Variants in TDRD12 observed in about 807,000 individuals in gnomAD.
The protein encoded by TDRD12 is putative ATP-dependent RNA helicase TDRD12.
Under a neutral mutation model 133.5 loss-of-function variants are expected in TDRD12, and 158 were observed. The ratio of observed to expected loss-of-function variants is 1.18; its 90% confidence interval spans 1.04 to 1.35. The LOEUF is 1.35. TDRD12 is among the 40% of genes most tolerant of loss of function. TDRD12 has a pLI of 0.00. For missense variants in TDRD12, 1,443 were observed against 1,321.3 expected (o/e 1.09, Z -1.43); for synonymous variants, 460 against 477.9 (o/e 0.96, Z 0.49).
exon 2 of TDRD12, chr19:32,731,792 A>T: frequency 4.5e-6 from 7 of 1,551,422 alleles, no homozygotes; most frequent in Non-Finnish European, 5.2e-6. Context: ...CATGATGTCG[A>T]TTATCAAAAA....
chr19:32,799,726 G>A (rs1971329932), intron 16 of TDRD12, among the ~76,000 whole-genome samples: 1 of 115,884 alleles, frequency 8.6e-6, no homozygotes, highest in South Asian at 2.7e-4. Flanking sequence ...TTTAGTTTTT[G>A]CCTTTTTTTT....
chr19:32,753,671 T>A (rs977903942), intron 6 of TDRD12, among the ~76,000 whole-genome samples: 7 of 45,394 alleles, frequency 1.5e-4, no homozygotes, highest in African/African-American at 6.9e-4. Flanking sequence ...ACCTGGCTAA[T>A]TTTTTTTTTT....
chr19:32,772,418 G>A (rs1461130684), intron 8 of TDRD12, among the ~76,000 whole-genome samples: 3 of 152,220 alleles, frequency 2.0e-5, no homozygotes, highest in Non-Finnish European at 4.4e-5. Flanking sequence ...GCAGGAGGCA[G>A]AGTCGCATTG....
chr19:32,755,951 A>C, intron 6 of TDRD12, 41 bp from the exon 7 acceptor site: 3 of 1,351,410 alleles, frequency 2.2e-6, no homozygotes, highest in Non-Finnish European at 2.9e-6. Context: ...TCGCTTGACT[A>C]TATTTGTCTT....
At chr19:32,728,879 C>T (rs1314506770) in intron 1 of TDRD12, among the ~76,000 whole-genome samples, 1 of 149,646 alleles carries the variant, frequency 6.7e-6, no homozygotes, top group Non-Finnish European at 1.5e-5. Context: ...GATCTCCTAA[C>T]CTTGTGATCC....
At chr19:32,805,478 C>T (rs1254980289) in intron 21 of TDRD12, among the ~76,000 whole-genome samples, 5 of 151,744 alleles carry the variant, frequency 3.3e-5, no homozygotes. Context: ...GCTCCAGCAT[C>T]GTTTATTTAA....
At chr19:32,793,422 A>G (rs1158908506) in intron 13 of TDRD12, among the ~76,000 whole-genome samples, 1 of 152,158 alleles carries the variant, frequency 6.6e-6, no homozygotes, top group Non-Finnish European at 1.5e-5. Context: ...ACAAAAGGTG[A>G]TGGTGAAGGA....
chr19:32,798,500 A>G, intron 16 of TDRD12, 65 bp downstream of exon 16: 1 of 1,363,596 alleles, frequency 7.3e-7, no homozygotes, highest in South Asian at 1.6e-5. Flanking sequence ...AACTGATGGC[A>G]GGAAGGAGGA....
chr19:32,822,129 CA>C (rs899372791), downstream of TDRD12, among the ~76,000 whole-genome samples: 1 of 150,178 alleles, frequency 6.7e-6, no homozygotes, highest in Non-Finnish European at 1.5e-5. Flanking sequence ...AAACAAAAAA[CA>C]AAAACAAAAA....
chr19:32,772,360 A>T (rs973029404), intron 8 of TDRD12, among the ~76,000 whole-genome samples: 1 of 152,136 alleles, frequency 6.6e-6, no homozygotes, highest in African/African-American at 2.4e-5. Flanking sequence ...TGGGTGGGTT[A>T]TGAGCCCACC....
At position 32,794,815 on chromosome 19, in the gene TDRD12, T is replaced by C. The variant is rs780435749; in HGVS notation, c.1473+2T>C. The C allele has an allele frequency of 1.4e-6, 1 of 702,808 alleles. No homozygotes were observed. Among genetic ancestry groups the C allele is most frequent in the South Asian group, 1.5e-5 (1 of 67,546 alleles). 43.5% of individuals were successfully genotyped at this position (702,808 alleles called of 1,614,324 possible). On this transcript the variant is annotated splice_donor_variant, in intron 14 of 27. Coordinates refer to ENST00000444215, the Ensembl canonical transcript of TDRD12. LOFTEE classifies it high-confidence loss of function. ...AAGTCATTACCAAGTAGAAATGGAG[T>C]AAGTCAAAGACAGTTTTGCCTCACA...
chr19:32,807,489 T>C (rs1244752141), intron 21 of TDRD12, 60 bp from the exon 22 acceptor site: 2 of 1,244,764 alleles, frequency 1.6e-6, no homozygotes. Context: ...GAAGAAAGCG[T>C]TAAAATTCAC....
At chr19:32,744,457 G>A (rs1339362775) in intron 4 of TDRD12, among the ~76,000 whole-genome samples, 3 of 117,762 alleles carry the variant, frequency 2.5e-5, no homozygotes, top group Admixed American at 2.4e-4. Context: ...CCAAGATTGC[G>A]CCACTGCACT....
chr19:32,783,745 T>A (rs1478535702), intron 11 of TDRD12, among the ~76,000 whole-genome samples: 2 of 152,166 alleles, frequency 1.3e-5, no homozygotes, highest in Non-Finnish European at 2.9e-5. Flanking sequence ...GGGAGTTCAC[T>A]CATGATTGGA....
At chr19:32,719,799 G>C (rs937776777) in exon 1 of TDRD12, 5 of 556,194 alleles carry the variant, frequency 9.0e-6, no homozygotes, top group Admixed American at 6.2e-5. Flanking sequence ...CGGTGGGTGC[G>C]GGAGGCCCGA....
chr19:32,811,700 G>A (rs888792073), intron 24 of TDRD12, among the ~76,000 whole-genome samples: 4 of 152,130 alleles, frequency 2.6e-5, no homozygotes, highest in African/African-American at 7.2e-5. Context: ...CCTAAGCAGG[G>A]GAAGCACCTA....
chr19:32,760,121 G>T lies in TDRD12; in HGVS notation c.865+2991G>T, dbSNP rs146166762. On this transcript the variant is annotated intron_variant, in intron 8 of 27. Coordinates refer to ENST00000444215, the Ensembl canonical transcript of TDRD12. ...CTACATCATCGTGTTTAATTATTGC[G>T]TGGCTTTCCATTGCTTGATATGTCA... Among the ~76,000 whole-genome samples the T allele has an allele frequency of 1.2e-4, 18 of 152,318 alleles. No homozygotes were observed. The East Asian group carries it at 3.5e-3, about 29-fold the overall frequency.
chr19:32,783,508 G>C (rs887924200), intron 11 of TDRD12, among the ~76,000 whole-genome samples: 18 of 152,110 alleles, frequency 1.2e-4, no homozygotes, highest in Admixed American at 5.2e-4. Flanking sequence ...AAAAAAGTCA[G>C]TGGTAGCTTG....
At chr19:32,753,405 G>A (rs909033556) in intron 6 of TDRD12, among the ~76,000 whole-genome samples, 2 of 151,946 alleles carry the variant, frequency 1.3e-5, no homozygotes, top group Non-Finnish European at 2.9e-5. Context: ...GTCTTGCTAT[G>A]TTGTTCAGGC....
Sources: gnomAD v4.1 joint callset for allele counts (sites outside exome capture counted in the v4.1 genomes callset) on GRCh38, gnomAD v4.1.1 for gene constraint, MANE v1.5 for transcripts, NCBI Gene and HGNC (gene_info 2026-07-23, HGNC 2026-07-21) for gene names.